Variants in KIAA1217 observed in about 807,000 individuals in gnomAD.
KIAA1217 encodes the protein sickle tail protein homolog.
Under a neutral mutation model 163.9 loss-of-function variants are expected in KIAA1217, and 88 were observed. The observed-to-expected ratio is 0.54, with a 90% CI of 0.45 to 0.64. The LOEUF (loss-of-function observed/expected upper bound fraction) is 0.64, where lower values mean the gene tolerates loss of function less well. Ranked by LOEUF, KIAA1217 falls within the 30% of genes least tolerant of loss-of-function variation. The probability of loss-of-function intolerance (pLI) is 0.00; values close to 1 mark genes in which losing one functional copy is unlikely to be tolerated. For synonymous variants in KIAA1217, 903 were observed against 923.1 expected, an observed-to-expected ratio of 0.98 and a Z score of 0.39; for missense variants, 2,372 against 2,475.0, an observed-to-expected ratio of 0.96 and a Z score of 0.88.
At chr10:23,814,630 C>T (rs1466755158) in intron 1 of KIAA1217, among the ~76,000 whole-genome samples, 1 of 152,156 alleles carries the variant, frequency 6.6e-6, no homozygotes, top group Non-Finnish European at 1.5e-5. Context: ...GGATGAGCCA[C>T]TCACAATCCA....
chr10:23,894,603 C>G (rs1841589709), intron 1 of KIAA1217, among the ~76,000 whole-genome samples: 1 of 150,342 alleles, frequency 6.7e-6, no homozygotes, highest in South Asian at 2.1e-4. Flanking sequence ...CCCCATCAAG[C>G]TACCAATGAC....
At chr10:24,394,471 A>G (rs533434965) in intron 3 of KIAA1217, among the ~76,000 whole-genome samples, 2 of 151,530 alleles carry the variant, frequency 1.3e-5, no homozygotes, top group South Asian at 4.2e-4. Context: ...TTTAATCTCC[A>G]TTCATGTGTT....
chr10:24,214,413 T>A (rs2068551682), intron 1 of KIAA1217, among the ~76,000 whole-genome samples: 1 of 152,054 alleles, frequency 6.6e-6, no homozygotes, highest in Middle Eastern at 3.2e-3. Flanking sequence ...CCCCACGGCG[T>A]TGGAGGGTTC....
intron 2 of KIAA1217, among the ~76,000 whole-genome samples, chr10:24,172,840 T>C (rs1384300370): frequency 6.6e-6 from 1 of 152,250 alleles, no homozygotes; most frequent in Non-Finnish European, 1.5e-5. Flanking sequence ...TTTGATGTGA[T>C]ACTTCAGACC....
At chr10:23,880,103 G>A (rs2131186456) in intron 1 of KIAA1217, among the ~76,000 whole-genome samples, 1 of 151,920 alleles carries the variant, frequency 6.6e-6, no homozygotes. Flanking sequence ...GAGATTAGAG[G>A]CCTGAGAAGT....
chr10:24,018,654 C>T (rs1847598872), intron 2 of KIAA1217, among the ~76,000 whole-genome samples: 1 of 151,534 alleles, frequency 6.6e-6, no homozygotes, highest in African/African-American at 2.4e-5. Context: ...AGAGATATTC[C>T]TCAAAAAACT....
At chr10:23,744,076 C>A (rs1356965715) in intron 1 of KIAA1217, among the ~76,000 whole-genome samples, 3 of 152,066 alleles carry the variant, frequency 2.0e-5, no homozygotes. Flanking sequence ...TCCACAAAGA[C>A]GAGACCACTT....
chr10:24,136,704 G>T (rs1176439366), intron 2 of KIAA1217, among the ~76,000 whole-genome samples: 1 of 152,130 alleles, frequency 6.6e-6, no homozygotes, highest in African/African-American at 2.4e-5. Context: ...ATCTCACCTG[G>T]ATATTTACAA....
chr10:24,290,217 G>A (rs7073729), intron 2 of KIAA1217, among the ~76,000 whole-genome samples: 47,649 of 151,850 alleles, frequency 0.31, 8,183 homozygotes, highest in Admixed American at 0.46. Flanking sequence ...AGAGAGAGTG[G>A]AAGTAGAACT....
chr10:24,481,258 C>T (rs1345118667), intron 6 of KIAA1217: 1 of 152,144 alleles, frequency 6.6e-6, no homozygotes, highest in Non-Finnish European at 1.5e-5. Flanking sequence ...TTAATATAAA[C>T]ATATAAGCTT....
intron 3 of KIAA1217, among the ~76,000 whole-genome samples, chr10:24,424,708 T>C (rs962634914): frequency 6.6e-6 from 1 of 152,192 alleles, no homozygotes; most frequent in South Asian, 2.1e-4. Flanking sequence ...GTTCAAGCAA[T>C]TCTCATGCCT....
At chr10:24,057,788 T>A (rs1242324043) in intron 2 of KIAA1217, among the ~76,000 whole-genome samples, 13 of 152,114 alleles carry the variant, frequency 8.5e-5, no homozygotes, top group Admixed American at 8.5e-4. Flanking sequence ...GTTCCTTACC[T>A]ACTTTGGAAA....
chr10:24,352,115 G>A (rs1466316348), intron 2 of KIAA1217, among the ~76,000 whole-genome samples: 3 of 152,230 alleles, frequency 2.0e-5, no homozygotes, highest in African/African-American at 7.2e-5. Flanking sequence ...CCCAAGTGAA[G>A]CCTGCCTTTC....
chr10:23,792,332 A>T (rs1835988237), intron 1 of KIAA1217, among the ~76,000 whole-genome samples: 1 of 152,204 alleles, frequency 6.6e-6, no homozygotes, highest in South Asian at 2.1e-4. Context: ...TCCTTTTGCA[A>T]AGTGAGGAAT....
At chr10:24,278,479 G>A (rs1489570131) in intron 2 of KIAA1217, among the ~76,000 whole-genome samples, 1 of 152,206 alleles carries the variant, frequency 6.6e-6, no homozygotes, top group African/African-American at 2.4e-5. Flanking sequence ...AGAGTTGTGT[G>A]GATAAGGGAT....
At chr10:24,431,031 G>A (rs1332709647) in intron 3 of KIAA1217, among the ~76,000 whole-genome samples, 1 of 152,176 alleles carries the variant, frequency 6.6e-6, no homozygotes, top group Non-Finnish European at 1.5e-5. Flanking sequence ...GAGTTTCCCT[G>A]GCTCTGCCTG....
intron 6 of KIAA1217, chr10:24,481,077 G>C (rs1203968442): frequency 6.6e-6 from 1 of 150,810 alleles, no homozygotes; most frequent in Non-Finnish European, 1.5e-5. Flanking sequence ...TTCAGCTCTT[G>C]TCTGAATTGC....
chr10:24,484,241 A>ATATATATATATATTTTTTTTTTTTTT (rs1376083298), intron 6 of KIAA1217, among the ~76,000 whole-genome samples: 3 of 75,158 alleles, frequency 4.0e-5, no homozygotes, highest in Middle Eastern at 0.013. Flanking sequence ...ATATATATAT[A>ATATATATATATATTTTTTTTTTTTTT]TTTTTTTTTT....
chr10:24,433,261 T>C, intron 4 of KIAA1217, 68 bp downstream of exon 4: 1 of 1,261,286 alleles, frequency 7.9e-7, no homozygotes, highest in Non-Finnish European at 1.1e-6. Context: ...TGTTTTTTTG[T>C]TTTTGAGGGG....
Sources: allele counts gnomAD v4.1 joint callset (sites outside exome capture counted in the v4.1 genomes callset), GRCh38; gene constraint gnomAD v4.1.1; transcripts MANE v1.5; gene names NCBI Gene and HGNC (gene_info 2026-07-23, HGNC 2026-07-21).